The following POLK variants were observed in gnomAD, a reference collection of about 807,000 sequenced individuals.
The protein encoded by POLK is polymerase (DNA directed) kappa.
A neutral mutation model predicts 94.0 loss-of-function variants in POLK; 76 were observed. The observed-to-expected ratio is 0.81, with a 90% CI of 0.67 to 0.98. The LOEUF (loss-of-function observed/expected upper bound fraction) is 0.98, where lower values mean the gene tolerates loss of function less well. Ranked by LOEUF, POLK falls within the 50% of genes least tolerant of loss-of-function variation. The pLI, the probability that POLK is intolerant of heterozygous loss-of-function variation, is 0.00. For synonymous variants in POLK, 349 were observed against 325.4 expected, an observed-to-expected ratio of 1.07 and a Z score of -0.78; for missense variants, 954 against 1,010.1, an observed-to-expected ratio of 0.94 and a Z score of 0.75.
At chr5:75,555,631 A>G (rs1441933063) in intron 3 of POLK, among the ~76,000 whole-genome samples, 1 of 151,338 alleles carries the variant, frequency 6.6e-6, no homozygotes, top group Non-Finnish European at 1.5e-5. Flanking sequence ...GCTCACTGCA[A>G]CCTCCACCTC....
chr5:75,576,553 A>C (rs1170101247), intron 5 of POLK, among the ~76,000 whole-genome samples: 1 of 152,146 alleles, frequency 6.6e-6, no homozygotes, highest in South Asian at 2.1e-4. Context: ...GTATCAAATG[A>C]AGCTATTTTA....
intron 1 of POLK, among the ~76,000 whole-genome samples, chr5:75,528,962 A>G (rs1406416202): frequency 1.3e-5 from 2 of 152,208 alleles, no homozygotes; most frequent in Non-Finnish European, 2.9e-5. Context: ...ACGATTGCTC[A>G]AGTCCCTGAT....
chr5:75,511,346 G>C, upstream of POLK: 1 of 1,544,092 alleles, frequency 6.5e-7, no homozygotes, highest in Non-Finnish European at 8.7e-7. Context: ...GCAGGAGGAG[G>C]GACGAAGTCC....
chr5:75,547,074 A>G (rs1488900113), exon 2 of POLK: 1 of 1,525,406 alleles, frequency 6.6e-7, no homozygotes, highest in Non-Finnish European at 9.0e-7. Context: ...TCTTCTGCTT[A>G]GGATGGGACT....
At chr5:75,511,323 G>C, upstream of POLK, 1 of 1,547,894 alleles carries the variant, frequency 6.5e-7, no homozygotes, top group Non-Finnish European at 8.7e-7. Flanking sequence ...TGCCCGCTCC[G>C]GTGTGGGGGG....
In POLK at chr5:75,597,243, A is replaced by G. The variant is rs1052501432; in HGVS notation, c.2485+65A>G. On this transcript the variant is annotated intron_variant, in intron 13 of 14. Coordinates refer to ENST00000241436, the Ensembl canonical transcript of POLK. ...AATATGTATTATTAAAATTAATGAG[A>G]TTGTTGTTAAATCTGAAACATATAC... 9 of 847,718 alleles carry G rather than the reference A, an allele frequency of 1.1e-5. No homozygotes were observed. In the African/African-American group the frequency reaches 1.2e-4, roughly 11 times the overall value. The allele number at this position is 847,718 out of a possible 1,614,324, so 52.5% of individuals were successfully genotyped here. A position where few individuals can be genotyped will look rare whatever the true frequency, so the allele number is the denominator to read the frequency against.
At chr5:75,559,511 TTG>T (rs1770848161) in intron 3 of POLK, among the ~76,000 whole-genome samples, 1 of 141,598 alleles carries the variant, frequency 7.1e-6, no homozygotes. Context: ...GTTTGTTTTT[TTG>T]TTTTGTTTTG....
intron 1 of POLK, among the ~76,000 whole-genome samples, chr5:75,530,245 C>CTTTTTTTTTTTTTTTT (rs575507126): frequency 1.0e-5 from 1 of 95,942 alleles, no homozygotes; most frequent in Non-Finnish European, 2.1e-5. Flanking sequence ...ATTTGTATTT[C>CTTTTTTTTTTTTTTTT]TTTTTTTTTT....
At chr5:75,540,706 A>C (rs899549288) in intron 1 of POLK, among the ~76,000 whole-genome samples, 1 of 152,212 alleles carries the variant, frequency 6.6e-6, no homozygotes, top group Non-Finnish European at 1.5e-5. Flanking sequence ...GGACATTAGT[A>C]TGAACTGTCC....
At chr5:75,595,289 T>G (rs562690164) in intron 12 of POLK, among the ~76,000 whole-genome samples, 1 of 123,416 alleles carries the variant, frequency 8.1e-6, no homozygotes, top group Non-Finnish European at 1.6e-5. Flanking sequence ...AGAGCAGATA[T>G]CTATAGAAGC....
At chr5:75,603,497 A>G (rs1296035318), downstream of POLK, among the ~76,000 whole-genome samples, 1 of 152,066 alleles carries the variant, frequency 6.6e-6, no homozygotes, top group Non-Finnish European at 1.5e-5. Flanking sequence ...AATGAGTAGG[A>G]AAAGGGAGTG....
rs1021573610 is a variant in POLK, at chr5:75,584,751, C to A, written c.1060-9C>A. 3.5e-6 allele frequency: 5 copies of A among 1,427,648 alleles called. No individual in the cohort carries two copies. The highest frequency in any genetic ancestry group is 2.9e-5 in the African/African-American group (2 of 68,450). The allele number at this position is 1,427,648 out of a possible 1,614,324, so 88.4% of individuals were successfully genotyped here. A position where few individuals can be genotyped will look rare whatever the true frequency, so the allele number is the denominator to read the frequency against. On this transcript the variant is annotated splice_polypyrimidine_tract_variant and intron_variant, in intron 8 of 14. Transcript: ENST00000241436. ...AATCTATTAATAATAAATATTGATTCTTTTCTAGGTTTCTGGAATAGGAAA... is the reference window on the plus strand; with the variant it reads ...AATCTATTAATAATAAATATTGATTATTTTCTAGGTTTCTGGAATAGGAAA...
intron 3 of POLK, among the ~76,000 whole-genome samples, chr5:75,562,723 G>T (rs939668339): frequency 4.6e-5 from 7 of 152,078 alleles, no homozygotes; most frequent in African/African-American, 1.7e-4. Flanking sequence ...GCATGAAGGG[G>T]TGTTGAATTT....
At position 75,513,471 on chromosome 5, in the gene POLK, A is replaced by G. The variant is rs563684564; in HGVS notation, c.-14+1557A>G. Reference sequence around the variant, plus strand: ...TAATGCACTTCACAGCTGCTTGAGAATATGTCAGATCTCATAAAAAGTTCT... The same window carrying G: ...TAATGCACTTCACAGCTGCTTGAGAGTATGTCAGATCTCATAAAAAGTTCT... On this transcript the variant is annotated intron_variant, in intron 1 of 14. Coordinates refer to ENST00000241436, the Ensembl canonical transcript of POLK. Among the ~76,000 whole-genome samples, 3 of 152,306 alleles carry G rather than the reference A, an allele frequency of 2.0e-5. No individual in the cohort carries two copies. The South Asian group carries it at 6.2e-4, about 32-fold the overall frequency.
intron 4 of POLK, among the ~76,000 whole-genome samples, chr5:75,569,709 A>G (rs1771485103): frequency 6.6e-6 from 1 of 152,164 alleles, no homozygotes; most frequent in Admixed American, 6.5e-5. Flanking sequence ...ATGGTCTGTT[A>G]GGAACTGGGC....
intron 12 of POLK, among the ~76,000 whole-genome samples, chr5:75,594,813 A>G (rs562627344): frequency 2.0e-5 from 3 of 152,364 alleles, no homozygotes; most frequent in East Asian, 3.9e-4. Context: ...GTAACAAGCC[A>G]TGTTTCCAAA....
intron 1 of POLK, among the ~76,000 whole-genome samples, chr5:75,520,018 T>G (rs1768494212): frequency 6.6e-6 from 1 of 152,228 alleles, no homozygotes; most frequent in African/African-American, 2.4e-5. Flanking sequence ...TAATTGCTGT[T>G]TATTTTTAGT....
chr5:75,556,030 G>A (rs1430496953), intron 3 of POLK, among the ~76,000 whole-genome samples: 4 of 152,152 alleles, frequency 2.6e-5, no homozygotes, highest in African/African-American at 7.2e-5. Flanking sequence ...ACTAAGGAGC[G>A]CAATTGCTGG....
chr5:75,532,921 A>T (rs1185263629), intron 1 of POLK, among the ~76,000 whole-genome samples: 1 of 152,236 alleles, frequency 6.6e-6, no homozygotes, highest in African/African-American at 2.4e-5. Flanking sequence ...TGCCCACTTT[A>T]TAATGGGGTT....
Sources: gnomAD v4.1 joint callset for allele counts (sites outside exome capture counted in the v4.1 genomes callset) on GRCh38, gnomAD v4.1.1 for gene constraint, MANE v1.5 for transcripts, NCBI Gene and HGNC (gene_info 2026-07-23, HGNC 2026-07-21) for gene names.